Variants in LCLAT1 observed in about 807,000 individuals in gnomAD.
LCLAT1 encodes lysocardiolipin acyltransferase 1, also known as 1-AGP acyltransferase 8.
In LCLAT1, 11 loss-of-function variants were observed where a neutral mutation model predicts 30.7. The ratio of observed to expected loss-of-function variants is 0.36; its 90% CI spans 0.23 to 0.59. The LOEUF is 0.59. Ranked by LOEUF, LCLAT1 falls within the 20% of genes least tolerant of loss-of-function variation. The pLI, the probability that LCLAT1 is intolerant of heterozygous loss-of-function variation, is 0.77. For synonymous variants in LCLAT1, 155 were observed against 151.3 expected (o/e 1.02, Z -0.18); for missense variants, 402 against 458.6 (o/e 0.88, Z 1.13).
chr2:30,538,805 A>AT (rs1316931724), intron 3 of LCLAT1, among the ~76,000 whole-genome samples: 2 of 152,156 alleles, frequency 1.3e-5, no homozygotes, highest in Non-Finnish European at 2.9e-5. Flanking sequence ...ATTCCTGAAC[A>AT]TATAAACTTT....
At chr2:30,498,640 TCTTA>T (rs978097976) in intron 1 of LCLAT1, among the ~76,000 whole-genome samples, 24 of 152,294 alleles carry the variant, frequency 1.6e-4, no homozygotes, top group African/African-American at 5.5e-4. Context: ...TCTCACGATT[TCTTA>T]CTTTATCCTC....
intron 1 of LCLAT1, among the ~76,000 whole-genome samples, chr2:30,498,654 C>A (rs963087442): frequency 6.6e-6 from 1 of 152,136 alleles, no homozygotes; most frequent in African/African-American, 2.4e-5. Flanking sequence ...ACTTTATCCT[C>A]TCTCATGGGC....
At chr2:30,538,748 G>A (rs779526984) in intron 3 of LCLAT1, among the ~76,000 whole-genome samples, 18 of 151,976 alleles carry the variant, frequency 1.2e-4, no homozygotes, top group Non-Finnish European at 2.9e-5. Context: ...AGAATATTAC[G>A]AATTACTATA....
intron 5 of LCLAT1, among the ~76,000 whole-genome samples, chr2:30,574,318 C>T (rs1446416924): frequency 6.6e-6 from 1 of 152,090 alleles, no homozygotes; most frequent in Non-Finnish European, 1.5e-5. Flanking sequence ...GCTTTCTGTA[C>T]CTTTTATACA....
intron 3 of LCLAT1, among the ~76,000 whole-genome samples, chr2:30,557,836 TTTTTG>T (rs1356160842): frequency 6.6e-6 from 1 of 152,156 alleles, no homozygotes; most frequent in East Asian, 1.9e-4. Flanking sequence ...ATTATTTGAC[TTTTTG>T]TTATAGTACA....
chr2:30,600,690 C>T (rs2609926), intron 5 of LCLAT1, among the ~76,000 whole-genome samples: 130,928 of 152,132 alleles, frequency 0.86, 56,590 homozygotes, highest in East Asian at 0.94. Context: ...GGCCTGGCCT[C>T]TCTTTCTGGC....
chr2:30,621,104 G>A (rs1668226165), intron 5 of LCLAT1, among the ~76,000 whole-genome samples: 1 of 152,004 alleles, frequency 6.6e-6, no homozygotes, highest in Non-Finnish European at 1.5e-5. Context: ...ATCTTGATAG[G>A]ACACTATTCA....
At chr2:30,481,258 C>T (rs1399082554) in intron 1 of LCLAT1, among the ~76,000 whole-genome samples, 1 of 152,128 alleles carries the variant, frequency 6.6e-6, no homozygotes, top group Non-Finnish European at 1.5e-5. Flanking sequence ...AATTATGTAA[C>T]TGGATTTACA....
intron 5 of LCLAT1, among the ~76,000 whole-genome samples, chr2:30,599,590 C>T (rs1667087149): frequency 6.6e-6 from 1 of 152,156 alleles, no homozygotes; most frequent in Non-Finnish European, 1.5e-5. Flanking sequence ...TTGAGAGTCC[C>T]TTTGTAGGTC....
chr2:30,495,234 C>T (rs557378890), intron 1 of LCLAT1, among the ~76,000 whole-genome samples: 10 of 152,180 alleles, frequency 6.6e-5, no homozygotes, highest in African/African-American at 2.2e-4. Flanking sequence ...TCATTATGTA[C>T]ATTCTGTTTA....
intron 5 of LCLAT1, among the ~76,000 whole-genome samples, chr2:30,580,108 T>G (rs1666149353): frequency 6.6e-6 from 1 of 152,178 alleles, no homozygotes; most frequent in South Asian, 2.1e-4. Context: ...AGACTGTGAT[T>G]CATCCCAATT....
At chr2:30,504,575 G>A (rs184937286) in intron 1 of LCLAT1, among the ~76,000 whole-genome samples, 5 of 152,166 alleles carry the variant, frequency 3.3e-5, no homozygotes, top group East Asian at 1.9e-4. Context: ...TCTTCCTAAG[G>A]GGTATGGGTT....
intron 3 of LCLAT1, among the ~76,000 whole-genome samples, chr2:30,560,322 G>GTGTA (rs1665146054): frequency 7.2e-6 from 1 of 139,344 alleles, no homozygotes; most frequent in Admixed American, 6.9e-5. Context: ...GTGTGTGTGT[G>GTGTA]TGTATTATTT....
chr2:30,581,658 C>T (rs2148466671), intron 5 of LCLAT1, among the ~76,000 whole-genome samples: 1 of 152,236 alleles, frequency 6.6e-6, no homozygotes, highest in Non-Finnish European at 1.5e-5. Flanking sequence ...AAACCAGGCA[C>T]AGAAAGATAA....
In LCLAT1 at chr2:30,533,102, T is replaced by C. The variant is rs1387053431; in HGVS notation, c.166-14T>C. ...ATAACTTTAATTTGCTGTATATCTG[T>C]ATTGTTTTCTTAGGCATTATTGGAG... On this transcript the variant is annotated splice_polypyrimidine_tract_variant and intron_variant, in intron 2 of 5. Transcript: ENST00000379509. 4 of 1,579,212 alleles carry C rather than the reference T, an allele frequency of 2.5e-6. No homozygotes were observed. Among genetic ancestry groups the C allele is most frequent in the Non-Finnish European group, 3.5e-6 (4 of 1,148,136 alleles).
At chr2:30,489,466 C>T (rs1490168564) in intron 1 of LCLAT1, among the ~76,000 whole-genome samples, 1 of 152,086 alleles carries the variant, frequency 6.6e-6, no homozygotes, top group African/African-American at 2.4e-5. Context: ...CATTCTCCTG[C>T]CTCAGCCTCC....
intron 1 of LCLAT1, among the ~76,000 whole-genome samples, chr2:30,456,349 G>C (rs1572466227): frequency 6.6e-6 from 1 of 152,188 alleles, no homozygotes; most frequent in African/African-American, 2.4e-5. Flanking sequence ...TTACTGCCAG[G>C]TGGGAGGAGG....
chr2:30,583,575 G>A (rs777476124), intron 5 of LCLAT1, among the ~76,000 whole-genome samples: 1 of 152,158 alleles, frequency 6.6e-6, no homozygotes, highest in Non-Finnish European at 1.5e-5. Flanking sequence ...CTTGGGGAAG[G>A]GTGGTTGGAA....
chr2:30,640,782 A>G lies in LCLAT1; in HGVS notation c.*163A>G, dbSNP rs1669264384. ...TTAATTTTGTGGGAAAAATATTGCT[A>G]CAATTTTTTTTAATCTCTGAATGTA... On this transcript the variant is annotated 3_prime_UTR_variant, in exon 6 of 6. Coordinates refer to ENST00000379509, the MANE Select transcript of LCLAT1 (RefSeq NM_001002257.3). 1.1e-6 allele frequency: 1 copy of G among 880,722 alleles called. No individual in the cohort carries two copies. Among genetic ancestry groups the G allele is most frequent in the Admixed American group, 3.2e-5 (1 of 31,526 alleles). 54.6% of individuals were successfully genotyped at this position (880,722 alleles called of 1,614,324 possible). A position where few individuals can be genotyped will look rare whatever the true frequency, so the allele number is the denominator to read the frequency against.
Sources: allele counts gnomAD v4.1 joint callset (sites outside exome capture counted in the v4.1 genomes callset), GRCh38; gene constraint gnomAD v4.1.1; transcripts MANE v1.5; gene names NCBI Gene and HGNC (gene_info 2026-07-23, HGNC 2026-07-21).